The following AXDND1 variants were observed in gnomAD, a reference collection of about 807,000 sequenced individuals.
The protein encoded by AXDND1 is axonemal dynein light chain domain-containing protein 1.
AXDND1 carries 110 observed loss-of-function variants against 137.5 expected under a neutral mutation model. The ratio of observed to expected loss-of-function variants is 0.80; its 90% CI spans 0.69 to 0.94. AXDND1 has a LOEUF of 0.94. Ranked by LOEUF, AXDND1 falls within the 40% of genes least tolerant of loss-of-function variation. The pLI is 0.00. For synonymous variants in AXDND1, 414 were observed against 399.7 expected, an observed-to-expected ratio of 1.04 and a Z score of -0.43; for missense variants, 1,191 against 1,169.8, an observed-to-expected ratio of 1.02 and a Z score of -0.26.
At chr1:179,461,973 C>T (rs920705171) in intron 16 of AXDND1, among the ~76,000 whole-genome samples, 1 of 152,126 alleles carries the variant, frequency 6.6e-6, no homozygotes, top group Non-Finnish European at 1.5e-5. Context: ...TCTAAATATA[C>T]AATCATGTCA....
In AXDND1 at chr1:179,385,333, CAG is replaced by C. The variant is rs1195836003; in HGVS notation, c.840_841del (p.Gly281ArgfsTer5). The C allele has an allele frequency of 3.1e-6, 5 of 1,613,904 alleles. No individual in the cohort carries two copies. In the African/African-American group the frequency reaches 6.7e-5, roughly 22 times the overall value. On this transcript the variant is annotated frameshift_variant, in exon 9 of 26. Transcript: ENST00000367618. LOFTEE classifies it high-confidence loss of function. ...GACAAGTCAGTGTGGACTGTGCAGA[CAG>C]AGGAGAACTTCTGTCTAAAGTCAGG... ...IRQVSVDCAD[R>X]GELLSKVRER... is the part of the protein sequence containing the mutation.
At chr1:179,416,510 G>T (rs1266303449) in intron 12 of AXDND1, among the ~76,000 whole-genome samples, 1 of 152,104 alleles carries the variant, frequency 6.6e-6, no homozygotes, top group South Asian at 2.1e-4. Context: ...CTCCACAGTG[G>T]CTATACTAAT....
At chr1:179,409,931 T>C (rs534255014) in intron 11 of AXDND1, among the ~76,000 whole-genome samples, 1 of 152,234 alleles carries the variant, frequency 6.6e-6, no homozygotes, top group South Asian at 2.1e-4. Context: ...CTTTTGTTGT[T>C]GGACATTGAG....
At chr1:179,371,051 A>T (rs1667989767) in intron 4 of AXDND1, among the ~76,000 whole-genome samples, 2 of 152,184 alleles carry the variant, frequency 1.3e-5, no homozygotes, top group African/African-American at 4.8e-5. Context: ...AATTATTGGT[A>T]GCAATAATTA....
intron 12 of AXDND1, among the ~76,000 whole-genome samples, chr1:179,426,350 G>A (rs1656567821): frequency 1.3e-5 from 2 of 152,062 alleles, no homozygotes; most frequent in South Asian, 2.1e-4. Flanking sequence ...AATTCAAATA[G>A]CCAATAAATA....
At position 179,552,706 on chromosome 1, in the gene AXDND1, G is replaced by A; in HGVS notation, c.3032-1806G>A. 1.9e-6 allele frequency: 3 copies of A among 1,588,990 alleles called. 1 individual carries two copies. The South Asian group carries it at 3.3e-5, about 18-fold the overall frequency. ...ACTGAAAAAGAAAGAATGCAGGTATGTAGGTGTGCAGCCATGATTTAGGGG... is the reference window on the plus strand; with the variant it reads ...ACTGAAAAAGAAAGAATGCAGGTATATAGGTGTGCAGCCATGATTTAGGGG... On this transcript the variant is annotated intron_variant, in intron 25 of 25. Coordinates refer to ENST00000367618, the MANE Select transcript of AXDND1 (RefSeq NM_144696.6).
At chr1:179,453,235 C>T (rs1217905472) in intron 16 of AXDND1, 1 of 152,202 alleles carries the variant, frequency 6.6e-6, no homozygotes, top group African/African-American at 2.4e-5. Flanking sequence ...TCAGAGACCC[C>T]ACACAGAGTC....
chr1:179,381,261 CG>C (rs1170160355), intron 6 of AXDND1, among the ~76,000 whole-genome samples: 1 of 151,230 alleles, frequency 6.6e-6, no homozygotes, highest in Non-Finnish European at 1.5e-5. Context: ...AAGCTGGTCT[CG>C]AACTCCTGAC....
chr1:179,403,430 G>A lies in AXDND1; in HGVS notation c.1110-7716G>A, dbSNP rs940606474. ...CTTTCAGCATTACTACTGACACTTCGTATAGGTACCATGGTGTTATTCAAG... is the reference window on the plus strand; with the variant it reads ...CTTTCAGCATTACTACTGACACTTCATATAGGTACCATGGTGTTATTCAAG... On this transcript the variant is annotated intron_variant, in intron 11 of 25. Transcript: ENST00000367618. 2.6e-5 allele frequency among the ~76,000 whole-genome samples: 4 copies of A among 152,102 alleles called. No individual in the cohort carries two copies. The East Asian group carries it at 5.8e-4, about 22-fold the overall frequency.
intron 16 of AXDND1, chr1:179,457,125 C>T: frequency 1.0e-6 from 1 of 996,016 alleles, no homozygotes; most frequent in Non-Finnish European, 1.6e-6. Context: ...GCATTCATGG[C>T]TGCATCCACC....
At chr1:179,428,987 G>A (rs1024690308) in intron 12 of AXDND1, among the ~76,000 whole-genome samples, 3 of 149,838 alleles carry the variant, frequency 2.0e-5, no homozygotes, top group African/African-American at 7.3e-5. Context: ...GACAATCCTG[G>A]CTAACAGGTG....
chr1:179,409,687 T>C lies in AXDND1; in HGVS notation c.1110-1459T>C, dbSNP rs527237165. Among the ~76,000 whole-genome samples the C allele has an allele frequency of 1.4e-4, 21 of 152,164 alleles. No homozygotes were observed. The South Asian group carries it at 2.7e-3, about 20-fold the overall frequency. On this transcript the variant is annotated intron_variant, in intron 11 of 25. Transcript: ENST00000367618. Reference sequence around the variant, plus strand: ...ACTTGAGGTCAGGAGTTTGAGACCATCCTGGCCAACATGGTGAAACCCTGT... The same window carrying C: ...ACTTGAGGTCAGGAGTTTGAGACCACCCTGGCCAACATGGTGAAACCCTGT...
Position 179,399,958 on chromosome 1 carries a change from T to G in AXDND1, c.1109+4756T>G, listed in dbSNP as rs1651705185. On this transcript the variant is annotated intron_variant, in intron 11 of 25. Coordinates refer to ENST00000367618, the MANE Select transcript of AXDND1 (RefSeq NM_144696.6). ...CATGGATGCAGTGATTAGGGAACAC[T>G]TCTACACTGCTGGTGGGAATGTAAA... Among the ~76,000 whole-genome samples the G allele has an allele frequency of 2.0e-5, 3 of 152,206 alleles. No homozygotes were observed. In the South Asian group the frequency reaches 6.2e-4, roughly 31 times the overall value.
chr1:179,394,063 T>TA lies in AXDND1; in HGVS notation c.1004+23dup. The TA allele has an allele frequency of 6.4e-7, 1 of 1,571,770 alleles. No homozygotes were observed. The highest frequency in any genetic ancestry group is 1.2e-5 in the South Asian group (1 of 84,682). ...GACCAGGTAAAAACTGTGATTATCT[T>TA]AAACACAAAACAAAAGTCAATGTCA... On this transcript the variant is annotated intron_variant, in intron 10 of 25. Coordinates refer to ENST00000367618, the MANE Select transcript of AXDND1 (RefSeq NM_144696.6).
intron 16 of AXDND1, among the ~76,000 whole-genome samples, chr1:179,465,528 C>T (rs535400756): frequency 6.6e-6 from 1 of 152,334 alleles, no homozygotes; most frequent in African/African-American, 2.4e-5. Context: ...GTCAGTTGGC[C>T]CCTACTGGGA....
chr1:179,550,827 A>C, intron 25 of AXDND1: 1 of 333,994 alleles, frequency 3.0e-6, no homozygotes, highest in Non-Finnish European at 5.8e-6. Context: ...CAACCTTGCC[A>C]AAGGGGTCAG....
chr1:179,410,538 T>C (rs1653714304), intron 11 of AXDND1, among the ~76,000 whole-genome samples: 2 of 152,244 alleles, frequency 1.3e-5, no homozygotes, highest in African/African-American at 2.4e-5. Flanking sequence ...AGGAAGTCTG[T>C]TAATTTTAAA....
intron 15 of AXDND1, among the ~76,000 whole-genome samples, chr1:179,440,088 A>T (rs1223329098): frequency 6.6e-6 from 1 of 152,196 alleles, no homozygotes; most frequent in Non-Finnish European, 1.5e-5. Context: ...AAAGCTAAAT[A>T]TAGTTTTGAT....
chr1:179,493,119 G>A (rs1667095221), intron 20 of AXDND1, among the ~76,000 whole-genome samples, 168 bp downstream of exon 20: 1 of 152,046 alleles, frequency 6.6e-6, no homozygotes, highest in Non-Finnish European at 1.5e-5. Context: ...GAAAAATAGG[G>A]AACATATCAA....
Sources: allele counts gnomAD v4.1 joint callset (sites outside exome capture counted in the v4.1 genomes callset), GRCh38; gene constraint gnomAD v4.1.1; transcripts MANE v1.5; gene names NCBI Gene and HGNC (gene_info 2026-07-23, HGNC 2026-07-21).